Variants in CTNND2 observed in about 807,000 individuals in gnomAD.
The protein encoded by CTNND2 is catenin delta 2.
A neutral mutation model predicts 144.4 loss-of-function variants in CTNND2; 22 were observed. The ratio of observed to expected loss-of-function variants is 0.15; its 90% CI spans 0.11 to 0.22. The LOEUF (loss-of-function observed/expected upper bound fraction) is 0.22, where lower values mean the gene tolerates loss of function less well. CTNND2 is among the 10% of genes least tolerant of loss of function. CTNND2 has a pLI of 1.00. For missense variants in CTNND2, 1,353 were observed against 1,618.8 expected (o/e 0.84, Z 2.82); for synonymous variants, 751 against 695.6 (o/e 1.08, Z -1.25).
chr5:11,732,973 C>T (rs1561743537), intron 1 of CTNND2, among the ~76,000 whole-genome samples: 1 of 152,236 alleles, frequency 6.6e-6, no homozygotes. Context: ...GTTCGTAGAG[C>T]TTCTGGAGAG....
At chr5:11,725,559 T>C (rs1279578606) in intron 2 of CTNND2, among the ~76,000 whole-genome samples, 2 of 152,136 alleles carry the variant, frequency 1.3e-5, no homozygotes, top group African/African-American at 4.8e-5. Context: ...CAACACATTG[T>C]AGGCCTATTA....
intron 3 of CTNND2, among the ~76,000 whole-genome samples, chr5:11,437,565 A>C (rs61755481): frequency 0.083 from 12,610 of 152,226 alleles, 584 homozygotes; most frequent in South Asian, 0.11. Flanking sequence ...GGGAGTAAAT[A>C]AGGGATAGGG....
intron 1 of CTNND2, among the ~76,000 whole-genome samples, chr5:11,783,050 G>A (rs4383724): frequency 0.88 from 134,232 of 152,076 alleles, 61,142 homozygotes; most frequent in South Asian, 0.99. Flanking sequence ...ACAAGCTACC[G>A]GGGCTGCCTT....
intron 1 of CTNND2, among the ~76,000 whole-genome samples, chr5:11,836,251 T>C (rs1308360165): frequency 2.0e-5 from 3 of 152,142 alleles, no homozygotes; most frequent in Admixed American, 1.3e-4. Context: ...TAAAAAAGCA[T>C]TGGAGACTAG....
chr5:11,115,015 G>T (rs1324872972), intron 13 of CTNND2, among the ~76,000 whole-genome samples: 1 of 152,194 alleles, frequency 6.6e-6, no homozygotes, highest in Non-Finnish European at 1.5e-5. Flanking sequence ...CAGAGTTGAG[G>T]TCAGTTGGAT....
chr5:11,471,912 A>T (rs557984128), intron 3 of CTNND2, among the ~76,000 whole-genome samples: 2 of 152,338 alleles, frequency 1.3e-5, no homozygotes, highest in Admixed American at 6.5e-5. Context: ...AAAGTGAATA[A>T]ATCTATGTCT....
intron 1 of CTNND2, among the ~76,000 whole-genome samples, chr5:11,892,360 T>G (rs1737041054): frequency 6.6e-6 from 1 of 152,152 alleles, no homozygotes; most frequent in Non-Finnish European, 1.5e-5. Context: ...CAAATGACCA[T>G]AAATATCTAT....
At chr5:11,089,233 C>T (rs1411208715) in intron 15 of CTNND2, among the ~76,000 whole-genome samples, 1 of 151,746 alleles carries the variant, frequency 6.6e-6, no homozygotes, top group Non-Finnish European at 1.5e-5. Flanking sequence ...GTGGGGGTCT[C>T]TTTGTTATAG....
chr5:11,007,621 C>T (rs1278248944), intron 18 of CTNND2, among the ~76,000 whole-genome samples: 4 of 152,262 alleles, frequency 2.6e-5, no homozygotes, highest in South Asian at 2.1e-4. Flanking sequence ...CTCTTTCCAT[C>T]GAACTGGCTG....
At chr5:11,429,206 T>C (rs1763048817) in intron 3 of CTNND2, among the ~76,000 whole-genome samples, 2 of 152,212 alleles carry the variant, frequency 1.3e-5, no homozygotes, top group African/African-American at 4.8e-5. Flanking sequence ...TGTTAAACTC[T>C]GTCCATCCTA....
intron 1 of CTNND2, among the ~76,000 whole-genome samples, chr5:11,881,044 A>G (rs1736074580): frequency 6.7e-6 from 1 of 149,206 alleles, no homozygotes; most frequent in Admixed American, 6.7e-5. Flanking sequence ...TACTAGTACT[A>G]CTACTACTAC....
chr5:11,036,874 C>T (rs534535359), intron 16 of CTNND2, among the ~76,000 whole-genome samples: 1 of 152,204 alleles, frequency 6.6e-6, no homozygotes, highest in South Asian at 2.1e-4. Flanking sequence ...TGAGAGCTGT[C>T]CTGTTCATCA....
chr5:11,494,816 T>C (rs1769781663), intron 3 of CTNND2, among the ~76,000 whole-genome samples: 1 of 152,196 alleles, frequency 6.6e-6, no homozygotes. Flanking sequence ...ATGCCTCTGA[T>C]ACCAATTGAG....
intron 2 of CTNND2, among the ~76,000 whole-genome samples, chr5:11,639,092 T>C (rs1424597840): frequency 2.0e-5 from 3 of 152,028 alleles, no homozygotes; most frequent in Non-Finnish European, 4.4e-5. Flanking sequence ...CAGGAGACAT[T>C]TGACAATATC....
chr5:11,396,953 A>G (rs577257988), intron 6 of CTNND2, 78 bp downstream of exon 6: 6 of 1,385,764 alleles, frequency 4.3e-6, no homozygotes, highest in East Asian at 4.9e-5. Flanking sequence ...GATCTCCACA[A>G]TCTCCACATC....
chr5:11,594,170 ATATAG>A (rs1779391444), intron 2 of CTNND2, among the ~76,000 whole-genome samples: 1 of 152,252 alleles, frequency 6.6e-6, no homozygotes, highest in Non-Finnish European at 1.5e-5. Context: ...ACTAGAATGA[ATATAG>A]TATAGTACAC....
At chr5:11,302,442 T>TC (rs1351204791) in intron 9 of CTNND2, among the ~76,000 whole-genome samples, 2 of 152,026 alleles carry the variant, frequency 1.3e-5, no homozygotes, top group African/African-American at 4.8e-5. Flanking sequence ...TTCTCCTTTA[T>TC]CCCCCAGTCT....
intron 1 of CTNND2, among the ~76,000 whole-genome samples, chr5:11,752,650 A>C (rs942125722): frequency 6.6e-6 from 1 of 151,060 alleles, no homozygotes; most frequent in African/African-American, 2.4e-5. Context: ...CTTTTTGCTT[A>C]GGATTTCTTG....
chr5:11,860,179 T>C (rs541281163), intron 1 of CTNND2, among the ~76,000 whole-genome samples: 1 of 152,368 alleles, frequency 6.6e-6, no homozygotes, highest in South Asian at 2.1e-4. Flanking sequence ...TTTAATCTCA[T>C]GATGAATTCA....
Sources: gnomAD v4.1 joint callset for allele counts (sites outside exome capture counted in the v4.1 genomes callset) on GRCh38, gnomAD v4.1.1 for gene constraint, MANE v1.5 for transcripts, NCBI Gene and HGNC (gene_info 2026-07-23, HGNC 2026-07-21) for gene names.